CACHD1: variants seen among roughly 807,000 people sequenced by gnomAD.
The protein encoded by CACHD1 is VWFA and cache domain-containing protein 1.
Under a neutral mutation model 138.7 loss-of-function variants are expected in CACHD1, and 71 were observed. The observed-to-expected ratio is 0.51, with a 90% CI of 0.42 to 0.62. CACHD1 has a LOEUF of 0.62. Among genes scored for constraint, CACHD1 ranks in the 20% least tolerant of loss-of-function variants. CACHD1 has a pLI of 0.00. For synonymous variants in CACHD1, 578 were observed against 591.5 expected, an observed-to-expected ratio of 0.98 and a Z score of 0.33; for missense variants, 1,389 against 1,625.3, an observed-to-expected ratio of 0.85 and a Z score of 2.50.
chr1:64,669,682 T>C (rs1649752599), intron 16 of CACHD1, among the ~76,000 whole-genome samples: 1 of 140,798 alleles, frequency 7.1e-6, no homozygotes, highest in East Asian at 3.4e-4. Flanking sequence ...GAAATATAGG[T>C]TTGGTGTGAT....
intron 8 of CACHD1, among the ~76,000 whole-genome samples, chr1:64,646,599 G>A (rs993313398): frequency 2.0e-5 from 3 of 152,048 alleles, no homozygotes; most frequent in Non-Finnish European, 2.9e-5. Context: ...AGGCATGGTG[G>A]TGTATGCCTG....
At chr1:64,662,424 G>C (rs764421067) in intron 13 of CACHD1, among the ~76,000 whole-genome samples, 1 of 152,208 alleles carries the variant, frequency 6.6e-6, no homozygotes, top group Non-Finnish European at 1.5e-5. Flanking sequence ...CTTGCAGTGT[G>C]GCACCGGACA....
chr1:64,682,137 C>A, intron 26 of CACHD1, 31 bp downstream of exon 26: 1 of 1,579,668 alleles, frequency 6.3e-7, no homozygotes, highest in Non-Finnish European at 8.7e-7. Flanking sequence ...TTTGAAGACC[C>A]AAGGAACCTC....
chr1:64,621,000 C>T (rs1354804458), intron 4 of CACHD1, among the ~76,000 whole-genome samples: 3 of 152,130 alleles, frequency 2.0e-5, no homozygotes, highest in Non-Finnish European at 4.4e-5. Flanking sequence ...CACTGGCCCA[C>T]TGATAGTCTG....
In CACHD1 at chr1:64,679,612, T is replaced by A. The variant is rs975779642; in HGVS notation, c.3262T>A (p.Leu1088Ile). Reference protein sequence around the residue: ...MGAIGDEVITLNMIKSAPVGP... With the variant: ...MGAIGDEVITINMIKSAPVGP... The stretch of plus-strand genomic sequence containing the variant: ...CACTGAAGGTGATGAGGTGATCACA[T>A]TAAACATGATTAAAAGCGCCCCTGT... Residue 1088 changes from leucine (L) to isoleucine (I), a missense_variant, in exon 24 of 27, where the codon TTA becomes ATA. By Grantham distance (5) the Leu-to-Ile change is conservative (BLOSUM62 2). Around this residue, in one of 5 missense-constraint regions of CACHD1, gnomAD observed 250 missense variants for 292.9 expected, o/e 0.85. Coordinates refer to ENST00000651257, the MANE Select transcript of CACHD1 (RefSeq NM_020925.4). 1 of 1,614,218 alleles carries A rather than the reference T, an allele frequency of 6.2e-7. No homozygotes were observed. Among genetic ancestry groups the A allele is most frequent in the Non-Finnish European group, 8.5e-7 (1 of 1,180,036 alleles).
chr1:64,647,023 A>G (rs1026154161), intron 8 of CACHD1, among the ~76,000 whole-genome samples: 1 of 151,854 alleles, frequency 6.6e-6, no homozygotes, highest in Non-Finnish European at 1.5e-5. Flanking sequence ...ATATGCAATC[A>G]GTTTCTAATC....
chr1:64,473,517 A>G (rs1381246682), intron 1 of CACHD1, among the ~76,000 whole-genome samples: 1 of 151,888 alleles, frequency 6.6e-6, no homozygotes, highest in Non-Finnish European at 1.5e-5. Context: ...TCTGTTTTTC[A>G]GAGGTAAGCC....
At chr1:64,567,057 G>A (rs561690329) in intron 2 of CACHD1, among the ~76,000 whole-genome samples, 1 of 152,194 alleles carries the variant, frequency 6.6e-6, no homozygotes, top group South Asian at 2.1e-4. Context: ...ACACTGTAGT[G>A]CTCTGTAGAT....
intron 2 of CACHD1, among the ~76,000 whole-genome samples, chr1:64,563,373 T>C (rs967229062): frequency 1.4e-5 from 2 of 144,284 alleles, no homozygotes; most frequent in Non-Finnish European, 3.0e-5. Flanking sequence ...TACTCAAGTA[T>C]ACACTCAAGG....
chr1:64,627,249 T>A (rs1648137757), intron 4 of CACHD1, among the ~76,000 whole-genome samples: 1 of 151,602 alleles, frequency 6.6e-6, no homozygotes, highest in African/African-American at 2.4e-5. Context: ...TCTACAAAAA[T>A]AAAAAAAATT....
rs985924078 is a variant in CACHD1 at position 64,691,640 on chromosome 1, C to T, written c.*79C>T. On this transcript the variant is annotated 3_prime_UTR_variant, in exon 27 of 27. Transcript: ENST00000651257. ...GAAAGAAAAAGAACCGGCTTAAAAC[C>T]CACAGCAAGAGACCTCCCTTGTGTT... 1.5e-5 allele frequency: 20 copies of T among 1,329,184 alleles called. No homozygotes were observed. Among genetic ancestry groups the T allele is most frequent in the East Asian group, 9.5e-5 (4 of 42,224 alleles). The allele number at this position is 1,329,184 out of a possible 1,614,324, so 82.3% of individuals were successfully genotyped here. A position where few individuals can be genotyped will look rare whatever the true frequency, so the allele number is the denominator to read the frequency against.
At chr1:64,535,514 A>G (rs1035420509) in intron 1 of CACHD1, among the ~76,000 whole-genome samples, 1 of 151,970 alleles carries the variant, frequency 6.6e-6, no homozygotes, top group African/African-American at 2.4e-5. Flanking sequence ...TAGTAGAGGC[A>G]GAGTTTCACC....
chr1:64,599,398 C>A (rs1306498386), intron 3 of CACHD1, among the ~76,000 whole-genome samples: 1 of 152,078 alleles, frequency 6.6e-6, no homozygotes, highest in African/African-American at 2.4e-5. Context: ...AAGGACTCAT[C>A]ATGGGCCAGT....
intron 12 of CACHD1, among the ~76,000 whole-genome samples, chr1:64,658,456 C>T (rs1649336384): frequency 6.6e-6 from 1 of 152,180 alleles, no homozygotes; most frequent in Admixed American, 6.5e-5. Flanking sequence ...CCTTTCTTAT[C>T]CTTTCGTTAG....
chr1:64,473,721 G>T (rs1646159002), intron 1 of CACHD1, among the ~76,000 whole-genome samples: 1 of 152,136 alleles, frequency 6.6e-6, no homozygotes, highest in South Asian at 2.1e-4. Context: ...CATTCTATAG[G>T]CCTCTTTATA....
intron 26 of CACHD1, among the ~76,000 whole-genome samples, chr1:64,685,841 C>T (rs1317828850): frequency 3.4e-5 from 5 of 147,736 alleles, no homozygotes; most frequent in Non-Finnish European, 5.9e-5. Context: ...TGAGACAGGG[C>T]TGTCTCAAAA....
In CACHD1 at chr1:64,582,275, C is replaced by A; in HGVS notation, c.381C>A (p.Asp127Glu). ...CCTCTCCCCTAACTGCAATTCAAGA[C>A]TGCTGTACTATCCCACCTTCCATGA... ...HLTSPLTAIQDCCTIPPSMME... is the reference protein window; with the variant it reads ...HLTSPLTAIQECCTIPPSMME... The change falls in exon 3 of 27, where the codon GAC (aspartate) becomes GAA (glutamate). Residue 127 changes from aspartate to glutamate, a missense_variant. Asp to Glu is a conservative substitution (Grantham distance 45, BLOSUM62 2). This residue lies in a region of CACHD1 where 1,000 missense variants were observed against 1,114.7 expected (regional missense o/e 0.90). Coordinates refer to ENST00000651257, the MANE Select transcript of CACHD1 (RefSeq NM_020925.4). The A allele has an allele frequency of 6.2e-7, 1 of 1,613,904 alleles. No individual in the cohort carries two copies. The highest frequency in any genetic ancestry group is 8.5e-7 in the Non-Finnish European group (1 of 1,179,794).
chr1:64,590,502 A>G (rs1300913565), intron 3 of CACHD1, among the ~76,000 whole-genome samples: 1 of 152,140 alleles, frequency 6.6e-6, no homozygotes, highest in Non-Finnish European at 1.5e-5. Context: ...TTGACGTCAT[A>G]TGAGCCAGAG....
At chr1:64,471,003 C>T (rs1231079145) in intron 1 of CACHD1, 61 bp downstream of exon 1, 6 of 1,487,290 alleles carry the variant, frequency 4.0e-6, no homozygotes, top group African/African-American at 2.8e-5. Flanking sequence ...ACTCCCATCC[C>T]ACTCCCGGTA....
Sources: gnomAD v4.1 joint callset for allele counts (sites outside exome capture counted in the v4.1 genomes callset) on GRCh38, gnomAD v4.1.1 for gene constraint, gnomAD v4.1.1 regional missense constraint, MANE v1.5 for transcripts, NCBI Gene and HGNC (gene_info 2026-07-23, HGNC 2026-07-21) for gene names.